The following CRTC3 variants were observed in gnomAD, a reference collection of about 807,000 sequenced individuals.
The protein encoded by CRTC3 is CREB regulated transcription coactivator 3, also known as CREB-regulated transcription coactivator 3.
CRTC3 carries 26 observed loss-of-function variants against 74.5 expected under a neutral mutation model. The ratio of observed to expected loss-of-function variants is 0.35; its 90% CI spans 0.26 to 0.48. CRTC3 has a LOEUF of 0.48. Among genes scored for constraint, CRTC3 ranks in the 20% least tolerant of loss-of-function variants. CRTC3 has a pLI of 0.99. For synonymous variants in CRTC3, 377 were observed against 325.8 expected (o/e 1.16, Z -1.69); for missense variants, 760 against 787.3 (o/e 0.97, Z 0.41).
chr15:90,617,090 G>A (rs1317797136), intron 7 of CRTC3, among the ~76,000 whole-genome samples: 2 of 151,944 alleles, frequency 1.3e-5, no homozygotes, highest in Non-Finnish European at 2.9e-5. Flanking sequence ...CCTTGACTCA[G>A]CCTACACTCC....
chr15:90,576,764 GA>G (rs922839425), intron 2 of CRTC3, among the ~76,000 whole-genome samples: 1 of 152,214 alleles, frequency 6.6e-6, no homozygotes, highest in African/African-American at 2.4e-5. Flanking sequence ...GTCAGGAGCT[GA>G]AAATGCCCAT....
chr15:90,549,914 C>G (rs1216365628), intron 2 of CRTC3, among the ~76,000 whole-genome samples: 1 of 150,202 alleles, frequency 6.7e-6, no homozygotes, highest in Non-Finnish European at 1.5e-5. Context: ...ATGTTGGTCA[C>G]GCCAGTCTTA....
intron 2 of CRTC3, among the ~76,000 whole-genome samples, chr15:90,572,297 T>G (rs1330154344): frequency 8.5e-5 from 13 of 152,094 alleles, no homozygotes; most frequent in Admixed American, 8.5e-4. Flanking sequence ...ATATAACCAG[T>G]CTCTTATTGA....
Position 90,629,263 on chromosome 15 carries a change from A to G in CRTC3, c.997A>G (p.Ile333Val). 1 of 1,614,120 alleles carries G rather than the reference A, an allele frequency of 6.2e-7. No individual in the cohort carries two copies. The highest frequency in any genetic ancestry group is 8.5e-7 in the Non-Finnish European group (1 of 1,179,992). Residue 333 changes from isoleucine (I) to valine (V), a missense_variant, in exon 11 of 15, where the codon ATC becomes GTC. By Grantham distance (29) the Ile-to-Val change is conservative. Coordinates refer to ENST00000268184, the MANE Select transcript of CRTC3 (RefSeq NM_022769.5). ...GLQSSRSNPS[I>V]QATLNKTVLS... is the part of the protein sequence containing the mutation. ...CCAGAGTTCTCGGAGTAACCCCTCC[A>G]TCCAAGCCACGCTCAATAAGACTGT...
chr15:90,550,496 A>G (rs1567162596), intron 2 of CRTC3, among the ~76,000 whole-genome samples: 1 of 144,274 alleles, frequency 6.9e-6, no homozygotes, highest in Non-Finnish European at 1.5e-5. Flanking sequence ...AAAATTGTGG[A>G]AAATGTTTTA....
At chr15:90,544,041 C>G (rs1419885775) in intron 2 of CRTC3, among the ~76,000 whole-genome samples, 10 of 152,194 alleles carry the variant, frequency 6.6e-5, no homozygotes, top group Admixed American at 6.5e-4. Context: ...CAAAGTACCA[C>G]AAACTTAGTG....
intron 1 of CRTC3, 105 bp from the exon 2 acceptor site, chr15:90,539,934 C>G: frequency 1.3e-6 from 1 of 798,080 alleles, no homozygotes; most frequent in Non-Finnish European, 2.1e-6. Flanking sequence ...GAAATTGAAA[C>G]AAGACTTTCA....
At chr15:90,585,009 A>C (rs986013877) in intron 2 of CRTC3, among the ~76,000 whole-genome samples, 8 of 152,252 alleles carry the variant, frequency 5.3e-5, no homozygotes, top group African/African-American at 1.9e-4. Flanking sequence ...TACTGGAGCC[A>C]ACGTCAATTT....
At chr15:90,629,679 TGTGAA>T in intron 11 of CRTC3, 147 bp downstream of exon 11, 1 of 699,548 alleles carries the variant, frequency 1.4e-6, no homozygotes, top group Non-Finnish European at 2.4e-6. Context: ...CGCTCTTATA[TGTGAA>T]ATCAGAGCAG....
chr15:90,588,430 C>T (rs1020454198), intron 2 of CRTC3, among the ~76,000 whole-genome samples: 22 of 150,602 alleles, frequency 1.5e-4, no homozygotes, highest in African/African-American at 4.3e-4. Flanking sequence ...ATACCTTCTA[C>T]GTCTCTCCTC....
intron 6 of CRTC3, among the ~76,000 whole-genome samples, chr15:90,611,987 A>C (rs1968365917): frequency 2.1e-5 from 3 of 143,466 alleles, no homozygotes; most frequent in Admixed American, 7.0e-5. Context: ...ACACTCTTCC[A>C]TCTTCCTTCT....
At chr15:90,582,310 A>C (rs900980124) in intron 2 of CRTC3, among the ~76,000 whole-genome samples, 3 of 152,182 alleles carry the variant, frequency 2.0e-5, no homozygotes, top group African/African-American at 7.2e-5. Context: ...TAAAACTTCT[A>C]CTTCTGTGGA....
intron 2 of CRTC3, among the ~76,000 whole-genome samples, chr15:90,575,170 T>G (rs759213663): frequency 5.9e-5 from 9 of 152,100 alleles, no homozygotes; most frequent in Non-Finnish European, 1.3e-4. Flanking sequence ...GCCAACTGAG[T>G]GAAACCCCCG....
In CRTC3 at chr15:90,638,466, C is replaced by A. The variant is rs1455140847; in HGVS notation, c.1287C>A (p.Ser429Arg). Residue 429 changes from serine (S) to arginine (R), a missense_variant, in exon 12 of 15, where the codon AGC becomes AGA. This residue lies in a region of CRTC3 where 652 missense variants were observed against 635.2 expected (regional missense o/e 1.03). Transcript: ENST00000268184. ...PTSQMVSSDR[S>R]QLSFLPTEAQ... is the part of the protein sequence containing the mutation. ...TGCAGATGGTGTCCTCAGACCGAAG[C>A]CAACTTTCCTTTCTGCCCACAGAAG... 5 of 1,614,082 alleles carry A rather than the reference C, an allele frequency of 3.1e-6. No homozygotes were observed. The highest frequency in any genetic ancestry group is 1.7e-5 in the Admixed American group (1 of 60,016).
intron 1 of CRTC3, among the ~76,000 whole-genome samples, chr15:90,533,689 A>C (rs1045850440): frequency 6.6e-6 from 1 of 152,208 alleles, no homozygotes; most frequent in Non-Finnish European, 1.5e-5. Flanking sequence ...ATGAGCAAGC[A>C]AAACACAGTG....
At chr15:90,557,160 A>C (rs1966910136) in intron 2 of CRTC3, among the ~76,000 whole-genome samples, 1 of 152,140 alleles carries the variant, frequency 6.6e-6, no homozygotes, top group African/African-American at 2.4e-5. Context: ...AATTTTAATC[A>C]GTGTCTGGGA....
chr15:90,634,091 T>C (rs1969144844), intron 11 of CRTC3, among the ~76,000 whole-genome samples: 1 of 149,444 alleles, frequency 6.7e-6, no homozygotes, highest in African/African-American at 2.4e-5. Context: ...AGTCCTCCTA[T>C]ACCCATCATT....
chr15:90,611,000 A>C (rs970043351), intron 6 of CRTC3, among the ~76,000 whole-genome samples: 1 of 152,216 alleles, frequency 6.6e-6, no homozygotes, highest in African/African-American at 2.4e-5. Flanking sequence ...TCACCTGCCA[A>C]TAAGCTTTGA....
intron 14 of CRTC3, among the ~76,000 whole-genome samples, chr15:90,641,412 A>T (rs950039964): frequency 6.6e-5 from 10 of 152,172 alleles, no homozygotes; most frequent in Admixed American, 2.6e-4. Flanking sequence ...GAAAGATTTC[A>T]TCTGGCCCAG....
Sources: allele counts gnomAD v4.1 joint callset (sites outside exome capture counted in the v4.1 genomes callset), GRCh38; gene constraint gnomAD v4.1.1; regional missense constraint gnomAD v4.1.1; transcripts MANE v1.5; gene names NCBI Gene and HGNC (gene_info 2026-07-23, HGNC 2026-07-21).